SCAF8: variants seen among roughly 807,000 people sequenced by gnomAD.
SCAF8 encodes SR-related and CTD-associated factor 8.
In SCAF8, 23 loss-of-function variants were observed where a neutral mutation model predicts 140.5. The ratio of observed to expected loss-of-function variants is 0.16; its 90% confidence interval spans 0.12 to 0.23. The LOEUF (loss-of-function observed/expected upper bound fraction) is 0.23. Among genes scored for constraint, SCAF8 ranks in the 10% least tolerant of loss-of-function variants. The probability of loss-of-function intolerance (pLI) is 1.00; values close to 1 mark genes in which losing one functional copy is unlikely to be tolerated. For synonymous variants in SCAF8, 575 were observed against 528.9 expected, an observed-to-expected ratio of 1.09 and a Z score of -1.20; for missense variants, 1,397 against 1,555.7, an observed-to-expected ratio of 0.90 and a Z score of 1.72.
At chr6:154,808,929 A>G (rs975743765) in intron 11 of SCAF8, 131 bp downstream of exon 11, 6 of 632,238 alleles carry the variant, frequency 9.5e-6, no homozygotes, top group Non-Finnish European at 1.6e-5. Context: ...AAAAAAAGTT[A>G]TTCCAAAAAC....
Position 154,733,765 on chromosome 6 carries a change from C to T in SCAF8, c.-136C>T, listed in dbSNP as rs1468392630. ...CAGCGCGTGCCCTTCCACTCCGCCC[C>T]GAGGTCGCAGCGGCCCGCTCTCCCG... On this transcript the variant is annotated 5_prime_UTR_variant, in exon 1 of 20. Transcript: ENST00000367178. 3 of 1,363,214 alleles carry T rather than the reference C, an allele frequency of 2.2e-6. No homozygotes were observed. The highest frequency in any genetic ancestry group is 2.8e-6 in the Non-Finnish European group (3 of 1,062,600). 84.4% of individuals were successfully genotyped at this position (1,363,214 alleles called of 1,614,324 possible). A position where few individuals can be genotyped will look rare whatever the true frequency, so the allele number is the denominator to read the frequency against.
At chr6:154,734,554 A>C (rs1391535245) in intron 1 of SCAF8, among the ~76,000 whole-genome samples, 1 of 152,202 alleles carries the variant, frequency 6.6e-6, no homozygotes, top group East Asian at 1.9e-4. Flanking sequence ...ATCCATCACG[A>C]CATAAAGACA....
chr6:154,738,730 A>G lies in SCAF8; in HGVS notation c.30+4800A>G, dbSNP rs117419487. ...TGATTTAGCATTTCTTCCTAGTGAA[A>G]AGGGTCGCAGATTGAACTGCCTAAA... On this transcript the variant is annotated intron_variant, in intron 1 of 19. Coordinates refer to ENST00000367178, the MANE Select transcript of SCAF8 (RefSeq NM_014892.5). 1.6e-3 allele frequency among the ~76,000 whole-genome samples: 245 copies of G among 152,286 alleles called. 1 individual carries two copies. Among genetic ancestry groups the G allele is most frequent in the Middle Eastern group, 3.4e-3 (1 of 294 alleles).
chr6:154,744,149 C>T (rs901340067), intron 1 of SCAF8, among the ~76,000 whole-genome samples: 11 of 151,990 alleles, frequency 7.2e-5, no homozygotes, highest in Admixed American at 3.9e-4. Context: ...AAAAATTAGC[C>T]AGGCGTGGTG....
chr6:154,824,184 G>A, intron 16 of SCAF8, 50 bp from the exon 17 acceptor site: 1 of 1,582,500 alleles, frequency 6.3e-7, no homozygotes, highest in Non-Finnish European at 8.6e-7. Context: ...GTTGTTCCAA[G>A]ATGCAGGTGA....
At position 154,742,170 on chromosome 6, in the gene SCAF8, G is replaced by A. The variant is rs552802296; in HGVS notation, c.30+8240G>A. Reference sequence around the variant, plus strand: ...TAGATTGGTAGTCTTAAAAGAGAGCGTCTAGGGAATAAGTTGAATTGCTTC... The same window carrying A: ...TAGATTGGTAGTCTTAAAAGAGAGCATCTAGGGAATAAGTTGAATTGCTTC... On this transcript the variant is annotated intron_variant, in intron 1 of 19. Coordinates refer to ENST00000367178, the MANE Select transcript of SCAF8 (RefSeq NM_014892.5). Among the ~76,000 whole-genome samples the A allele has an allele frequency of 7.2e-5, 11 of 152,286 alleles. No individual in the cohort carries two copies. The South Asian group carries it at 1.2e-3, about 17-fold the overall frequency.
At chr6:154,805,202 A>AT (rs5881102) in intron 8 of SCAF8, among the ~76,000 whole-genome samples, 167 bp from the exon 9 acceptor site, 91,969 of 152,018 alleles carry the variant, frequency 0.6, 30,517 homozygotes, top group East Asian at 0.91. Flanking sequence ...TTCTTTTAAT[A>AT]ATTAATGTTC....
chr6:154,818,649 A>T, intron 14 of SCAF8, 57 bp downstream of exon 14: 1 of 801,402 alleles, frequency 1.2e-6, no homozygotes, highest in Non-Finnish European at 2.1e-6. Context: ...AATGTCTGTT[A>T]TGTTAAAGTC....
chr6:154,774,284 C>T (rs1446069854), intron 2 of SCAF8, among the ~76,000 whole-genome samples: 2 of 152,080 alleles, frequency 1.3e-5, no homozygotes, highest in Non-Finnish European at 2.9e-5. Flanking sequence ...TTTTTAGAGA[C>T]AATGTCTTAT....
chr6:154,769,593 G>T (rs1776678410), intron 1 of SCAF8, among the ~76,000 whole-genome samples: 1 of 152,156 alleles, frequency 6.6e-6, no homozygotes. Context: ...AACCCTTATT[G>T]AGCTGTTCTA....
At chr6:154,819,490 C>T (rs1778352307) in intron 14 of SCAF8, among the ~76,000 whole-genome samples, 1 of 151,912 alleles carries the variant, frequency 6.6e-6, no homozygotes, top group African/African-American at 2.4e-5. Context: ...GCTTGGGAGG[C>T]TGAGGTGGGA....
intron 7 of SCAF8, among the ~76,000 whole-genome samples, chr6:154,802,793 A>G (rs1184755584): frequency 1.3e-5 from 2 of 152,126 alleles, no homozygotes; most frequent in Non-Finnish European, 2.9e-5. Flanking sequence ...GGGTTCTGTA[A>G]TTTGGACCTG....
intron 1 of SCAF8, among the ~76,000 whole-genome samples, chr6:154,735,806 GC>G (rs1179999234): frequency 3.3e-5 from 5 of 151,796 alleles, no homozygotes; most frequent in Admixed American, 2.6e-4. Flanking sequence ...GTGCCACTGC[GC>G]CTGGTGTTTC....
At chr6:154,814,440 A>G (rs902914882) in intron 12 of SCAF8, among the ~76,000 whole-genome samples, 1 of 152,208 alleles carries the variant, frequency 6.6e-6, no homozygotes, top group African/African-American at 2.4e-5. Flanking sequence ...AAGAACAATG[A>G]CCAGGGACTC....
intron 1 of SCAF8, among the ~76,000 whole-genome samples, chr6:154,766,932 G>T (rs183498139): frequency 2.0e-5 from 3 of 152,004 alleles, no homozygotes; most frequent in Non-Finnish European, 4.4e-5. Context: ...TGTATAATGA[G>T]CCTTAAAGGT....
At chr6:154,826,466 C>T (rs1275137538) in intron 17 of SCAF8, among the ~76,000 whole-genome samples, 1 of 152,050 alleles carries the variant, frequency 6.6e-6, no homozygotes, top group African/African-American at 2.4e-5. Context: ...GAGGAACAAA[C>T]CTCGAATACC....
At position 154,790,253 on chromosome 6, in the gene SCAF8, C is replaced by T. The variant is rs140332184; in HGVS notation, c.321+2231C>T. Among the ~76,000 whole-genome samples, 156 of 152,192 alleles carry T rather than the reference C, an allele frequency of 1.0e-3. 1 individual carries two copies. The East Asian group carries it at 0.028, about 28-fold the overall frequency. ...AAGATTTTTATATAAAGCAGAAGAA[C>T]ATAAGGCATTTTCCAAGTGCTCATG... On this transcript the variant is annotated intron_variant, in intron 4 of 19. Transcript: ENST00000367178.
intron 1 of SCAF8, among the ~76,000 whole-genome samples, chr6:154,754,387 A>G (rs1439480121): frequency 6.6e-6 from 1 of 152,342 alleles, no homozygotes; most frequent in East Asian, 1.9e-4. Context: ...GTTGCTAGCT[A>G]GTGAACTTTT....
At chr6:154,809,703 A>G (rs149420447) in intron 11 of SCAF8, among the ~76,000 whole-genome samples, 2 of 152,276 alleles carry the variant, frequency 1.3e-5, no homozygotes, top group East Asian at 3.9e-4. Context: ...TTGGTCTTTC[A>G]TTCCTGTTCT....
Sources: allele counts gnomAD v4.1 joint callset (sites outside exome capture counted in the v4.1 genomes callset), GRCh38; gene constraint gnomAD v4.1.1; transcripts MANE v1.5; gene names NCBI Gene and HGNC (gene_info 2026-07-23, HGNC 2026-07-21).